Variants in OPCML observed in about 807,000 individuals in gnomAD.
OPCML encodes the protein opioid binding protein/cell adhesion molecule like.
OPCML carries 13 observed loss-of-function variants against 37.8 expected under a neutral mutation model. The observed-to-expected ratio is 0.34, with a 90% CI of 0.22 to 0.55. The LOEUF is 0.55. Ranked by LOEUF, OPCML falls within the 20% of genes least tolerant of loss-of-function variation. The pLI, the probability that OPCML is intolerant of heterozygous loss-of-function variation, is 0.91. For synonymous variants in OPCML, 176 were observed against 168.8 expected (o/e 1.04, Z -0.33); for missense variants, 341 against 435.6 (o/e 0.78, Z 1.93).
intron 1 of OPCML, among the ~76,000 whole-genome samples, chr11:133,219,900 A>C (rs935990): frequency 0.57 from 85,938 of 151,962 alleles, 24,180 homozygotes; most frequent in East Asian, 0.6. Flanking sequence ...GTAAAGTATA[A>C]AACTTAAAAT....
At chr11:132,706,838 T>A (rs184159757) in intron 2 of OPCML, among the ~76,000 whole-genome samples, 2 of 152,346 alleles carry the variant, frequency 1.3e-5, no homozygotes, top group African/African-American at 4.8e-5. Flanking sequence ...TGTACATGAA[T>A]ATACCAAATT....
chr11:133,001,446 A>G (rs951589144), intron 1 of OPCML, among the ~76,000 whole-genome samples: 1 of 152,220 alleles, frequency 6.6e-6, no homozygotes. Context: ...TTTCATCTGG[A>G]TGCTATCATT....
At chr11:132,756,255 A>G (rs757400769) in intron 2 of OPCML, among the ~76,000 whole-genome samples, 1 of 152,166 alleles carries the variant, frequency 6.6e-6, no homozygotes, top group Non-Finnish European at 1.5e-5. Context: ...GATGCTCCCA[A>G]CACTAAACAC....
chr11:132,617,632 G>T (rs756566593), intron 3 of OPCML, among the ~76,000 whole-genome samples: 56 of 152,202 alleles, frequency 3.7e-4, no homozygotes, highest in Non-Finnish European at 1.8e-4. Flanking sequence ...TTGAACAACA[G>T]AAATTTATTT....
intron 2 of OPCML, among the ~76,000 whole-genome samples, chr11:132,936,404 G>T (rs1331500743): frequency 6.6e-6 from 1 of 152,188 alleles, no homozygotes; most frequent in Non-Finnish European, 1.5e-5. Context: ...GGACCCGTAG[G>T]CTGTTAATAG....
intron 1 of OPCML, among the ~76,000 whole-genome samples, chr11:132,950,210 G>T (rs937123444): frequency 3.3e-5 from 5 of 152,304 alleles, no homozygotes; most frequent in African/African-American, 1.2e-4. Context: ...CACTTTGACC[G>T]CTGTGTAGAG....
At chr11:132,749,862 A>G (rs1945771781) in intron 2 of OPCML, among the ~76,000 whole-genome samples, 1 of 152,020 alleles carries the variant, frequency 6.6e-6, no homozygotes, top group African/African-American at 2.4e-5. Flanking sequence ...GAATTTGTTT[A>G]TTTATTTATT....
chr11:132,749,073 G>A (rs913396735), intron 2 of OPCML, among the ~76,000 whole-genome samples: 1 of 152,104 alleles, frequency 6.6e-6, no homozygotes, highest in African/African-American at 2.4e-5. Context: ...CAGGCTATGA[G>A]GGTGGAGCCC....
At chr11:133,013,417 C>T (rs111405471) in intron 1 of OPCML, among the ~76,000 whole-genome samples, 3,024 of 152,164 alleles carry the variant, frequency 0.02, 101 homozygotes, top group African/African-American at 0.069. Context: ...CTCAGTACCG[C>T]ATATCATATT....
chr11:132,589,237 C>G (rs1216329647), intron 3 of OPCML, among the ~76,000 whole-genome samples: 1 of 152,094 alleles, frequency 6.6e-6, no homozygotes, highest in Admixed American at 6.6e-5. Context: ...TCCCAACTTC[C>G]TCTACACTGT....
intron 1 of OPCML, among the ~76,000 whole-genome samples, chr11:133,076,304 A>G (rs140658592): frequency 1.7e-3 from 253 of 152,248 alleles, no homozygotes; most frequent in African/African-American, 5.9e-3. Flanking sequence ...CCTATTCCAA[A>G]CATTTTTCTA....
chr11:132,826,241 A>T (rs1328233233), intron 2 of OPCML, among the ~76,000 whole-genome samples: 1 of 152,232 alleles, frequency 6.6e-6, no homozygotes, highest in Non-Finnish European at 1.5e-5. Context: ...CCAGTACAAA[A>T]CAAGCTCCTG....
intron 4 of OPCML, among the ~76,000 whole-genome samples, chr11:132,480,227 A>T (rs1384163987): frequency 1.3e-5 from 2 of 152,228 alleles, no homozygotes; most frequent in East Asian, 3.8e-4. Flanking sequence ...AGAATGCAGA[A>T]GCCTCAGGAG....
chr11:133,111,949 C>A (rs1949260285), intron 1 of OPCML, among the ~76,000 whole-genome samples: 1 of 152,088 alleles, frequency 6.6e-6, no homozygotes, highest in African/African-American at 2.4e-5. Flanking sequence ...CAATCAAGGG[C>A]AGCAGTGAAG....
At chr11:132,463,770 A>T (rs1468734338) in intron 4 of OPCML, among the ~76,000 whole-genome samples, 1 of 152,234 alleles carries the variant, frequency 6.6e-6, no homozygotes, top group African/African-American at 2.4e-5. Flanking sequence ...CTTTCTAAAA[A>T]TACATATTAT....
At chr11:133,152,807 G>A (rs1005905315) in intron 1 of OPCML, among the ~76,000 whole-genome samples, 8 of 151,790 alleles carry the variant, frequency 5.3e-5, no homozygotes, top group African/African-American at 1.5e-4. Flanking sequence ...CATCTAAGCC[G>A]AAGCCCCAGC....
intron 1 of OPCML, among the ~76,000 whole-genome samples, chr11:133,056,100 A>T (rs1948233135): frequency 6.6e-6 from 1 of 152,282 alleles, no homozygotes; most frequent in South Asian, 2.1e-4. Flanking sequence ...ATGACTCAAA[A>T]GGCCCAGTTA....
intron 2 of OPCML, among the ~76,000 whole-genome samples, chr11:132,762,671 G>T (rs1946305317): frequency 6.6e-6 from 1 of 152,136 alleles, no homozygotes; most frequent in Non-Finnish European, 1.5e-5. Context: ...CCCCCACCAA[G>T]CTCGAGAGTC....
intron 3 of OPCML, among the ~76,000 whole-genome samples, chr11:132,647,831 A>C (rs1941234321): frequency 6.6e-6 from 1 of 152,202 alleles, no homozygotes; most frequent in African/African-American, 2.4e-5. Flanking sequence ...GTTTATAATT[A>C]CTGAAAAAGA....
Sources: gnomAD v4.1 joint callset for allele counts (sites outside exome capture counted in the v4.1 genomes callset) on GRCh38, gnomAD v4.1.1 for gene constraint, MANE v1.5 for transcripts, NCBI Gene and HGNC (gene_info 2026-07-23, HGNC 2026-07-21) for gene names.